Variants in IRF2BPL observed in about 807,000 individuals in gnomAD.
IRF2BPL encodes probable E3 ubiquitin-protein ligase IRF2BPL.
A neutral mutation model predicts 51.2 loss-of-function variants in IRF2BPL; 13 were observed. The observed-to-expected ratio is 0.25, with a 90% CI of 0.17 to 0.40. The LOEUF is 0.40. Ranked by LOEUF, IRF2BPL falls within the 10% of genes least tolerant of loss-of-function variation. The pLI is 1.00. For missense variants in IRF2BPL, 1,210 were observed against 1,111.8 expected (o/e 1.09, Z -1.26); for synonymous variants, 768 against 509.2 (o/e 1.51, Z -6.84).
Position 77,028,368 on chromosome 14 carries a change from A to C in IRF2BPL, c.-576T>G. 1 of 257,586 alleles carries C rather than the reference A, an allele frequency of 3.9e-6. No homozygotes were observed. The highest frequency in any genetic ancestry group is 8.8e-5 in the East Asian group (1 of 11,372). 16.0% of individuals were successfully genotyped at this position (257,586 alleles called of 1,614,324 possible). A position where few individuals can be genotyped will look rare whatever the true frequency, so the allele number is the denominator to read the frequency against. ...CGGGGGAGGGGGTGGCAGCCGAGAAAGGACCTTCTCCCCTCCGCAGCGTCG... is the reference window on the plus strand; with the variant it reads ...CGGGGGAGGGGGTGGCAGCCGAGAACGGACCTTCTCCCCTCCGCAGCGTCG... On this transcript the variant is annotated 5_prime_UTR_variant, in exon 1 of 1. Coordinates refer to ENST00000238647, the MANE Select transcript of IRF2BPL (RefSeq NM_024496.4).
Position 77,027,489 on chromosome 14 carries a change from C to A in IRF2BPL, c.304G>T (p.Ala102Ser). ...TGCTGCTGTTGCTGTTGCTGTTGCG[C>A]GGCGGCGGCGGCGGCCGCCGCTGCT... is the stretch of plus-strand genomic sequence containing the variant. ...AAAAAAAAAA[A>S]QQQQQQQQQQ... is the part of the protein sequence containing the mutation. The change falls in exon 1 of 1, where the codon GCG becomes TCG. Residue 102 changes from alanine to serine, a missense_variant. By Grantham distance (99) the Ala-to-Ser change is moderately conservative (BLOSUM62 1). Coordinates refer to ENST00000238647, the MANE Select transcript of IRF2BPL (RefSeq NM_024496.4). 1 of 706,098 alleles carries A rather than the reference C, an allele frequency of 1.4e-6. No individual in the cohort carries two copies. The highest frequency in any genetic ancestry group is 1.8e-6 in the Non-Finnish European group (1 of 564,534). The allele number at this position is 706,098 out of a possible 1,614,324, so 43.7% of individuals were successfully genotyped here.
Position 77,026,143 on chromosome 14 carries a change from G to C in IRF2BPL, c.1650C>G (p.Pro550=), listed in dbSNP as rs768042746. The C allele has an allele frequency of 2.6e-6, 4 of 1,539,184 alleles. No individual in the cohort carries two copies. Among genetic ancestry groups the C allele is most frequent in the Non-Finnish European group, 3.5e-6 (4 of 1,151,858 alleles). ...TCAGCGCGCCCTCGGCTGAGTCCGG[G>C]GGCTCCGGAGAGGCCTTTCTCTTGC... is the stretch of plus-strand genomic sequence containing the variant. The part of the protein sequence containing the change: ...SLRKRKASPE[P]PDSAEGALKL... Residue 550 remains proline, a synonymous_variant, in exon 1 of 1, where the codon CCC becomes CCG. Transcript: ENST00000238647.
At position 77,026,542 on chromosome 14, in the gene IRF2BPL, C is replaced by T. The variant is rs1298830950; in HGVS notation, c.1251G>A (p.Leu417=). ...CCGTGGGGTACTCAATGAACAGCTT[C>T]AATTCGTAGTCCATGCCGGGCTTGG... is the stretch of plus-strand genomic sequence containing the variant. ...AVSKPGMDYE[L]KLFIEYPTGS... is the part of the protein sequence containing the mutation. Residue 417 remains leucine (L), a synonymous_variant, in exon 1 of 1, where the codon TTG becomes TTA. Coordinates refer to ENST00000238647, the MANE Select transcript of IRF2BPL (RefSeq NM_024496.4). 2 of 1,613,854 alleles carry T rather than the reference C, an allele frequency of 1.2e-6. No individual in the cohort carries two copies. Among genetic ancestry groups the T allele is most frequent in the Non-Finnish European group, 1.7e-6 (2 of 1,180,032 alleles).
chr14:77,025,419 TTTTCAC>T lies in IRF2BPL; in HGVS notation c.2368_2373del (p.Val790_Lys791del). The T allele has an allele frequency of 6.4e-7, 1 of 1,564,082 alleles. No individual in the cohort carries two copies. Among genetic ancestry groups the T allele is most frequent in the Non-Finnish European group, 8.7e-7 (1 of 1,152,488 alleles). On this transcript the variant is annotated inframe_deletion, in exon 1 of 1. Transcript: ENST00000238647. The stretch of plus-strand genomic sequence containing the variant: ...CCAGTGGTTCAAGGGTCTCTCTCCT[TTTTCAC>T]TTTAACATCCCCAGCTAAGATAGTC...
chr14:77,028,702 T>A lies in IRF2BPL; in HGVS notation c.-910A>T. On this transcript the variant is annotated 5_prime_UTR_variant, in exon 1 of 1. Coordinates refer to ENST00000238647, the MANE Select transcript of IRF2BPL (RefSeq NM_024496.4). ...CTCCTGCTCCGGCTGCGGCTCGCGC[T>A]GTCCCCGGCTTGGCCGCGCGGGATG... is the stretch of plus-strand genomic sequence containing the variant. 2.9e-6 allele frequency: 1 copy of A among 345,854 alleles called. No homozygotes were observed. Among genetic ancestry groups the A allele is most frequent in the Non-Finnish European group, 5.2e-6 (1 of 191,926 alleles). 21.4% of individuals were successfully genotyped at this position (345,854 alleles called of 1,614,324 possible). A position where few individuals can be genotyped will look rare whatever the true frequency, so the allele number is the denominator to read the frequency against.
Position 77,026,009 on chromosome 14 carries a change from C to T in IRF2BPL, c.1784G>A (p.Gly595Asp). The T allele has an allele frequency of 6.4e-7, 1 of 1,563,178 alleles. No homozygotes were observed. Among genetic ancestry groups the T allele is most frequent in the Non-Finnish European group, 8.7e-7 (1 of 1,155,840 alleles). ...CAGAGGTGGGGGCGGCGGAGGCGGA[C>T]CCCCCGCCGCGTGCCCCGGCGCCGC... is the stretch of plus-strand genomic sequence containing the variant. ...GFAAPGHAAG[G>D]PPPPPPPLGP... The change falls in exon 1 of 1, where the codon GGT becomes GAT. Residue 595 changes from glycine (G) to aspartate (D), a missense_variant. By Grantham distance (94) the Gly-to-Asp change is moderately conservative. Transcript: ENST00000238647.
rs1402066753 is a variant in IRF2BPL, at chr14:77,028,693, G to C, written c.-901C>G. 4 of 356,416 alleles carry C rather than the reference G, an allele frequency of 1.1e-5. No individual in the cohort carries two copies. Among genetic ancestry groups the C allele is most frequent in the Non-Finnish European group, 1.5e-5 (3 of 198,734 alleles). The allele number at this position is 356,416 out of a possible 1,614,324, so 22.1% of individuals were successfully genotyped here. A position where few individuals can be genotyped will look rare whatever the true frequency, so the allele number is the denominator to read the frequency against. On this transcript the variant is annotated 5_prime_UTR_variant, in exon 1 of 1. Coordinates refer to ENST00000238647, the MANE Select transcript of IRF2BPL (RefSeq NM_024496.4). ...GTCTCGGCGCTCCTGCTCCGGCTGCGGCTCGCGCTGTCCCCGGCTTGGCCG... is the reference window on the plus strand; with the variant it reads ...GTCTCGGCGCTCCTGCTCCGGCTGCCGCTCGCGCTGTCCCCGGCTTGGCCG...
Position 77,026,845 on chromosome 14 carries a change from G to C in IRF2BPL, c.948C>G (p.Thr316=). ...SATSSSASSS[T]SSSVAEVGVG... is the part of the protein sequence containing the mutation. ...CGCCCACCTCTGCCACCGACGAAGAGGTCGAAGACGACGCGGAGGACGACG... is the reference window on the plus strand; with the variant it reads ...CGCCCACCTCTGCCACCGACGAAGACGTCGAAGACGACGCGGAGGACGACG... The change falls in exon 1 of 1, where the codon ACC becomes ACG. Residue 316 remains threonine, a synonymous_variant. Transcript: ENST00000238647. The C allele has an allele frequency of 6.2e-7, 1 of 1,608,426 alleles. No individual in the cohort carries two copies. The highest frequency in any genetic ancestry group is 8.5e-7 in the Non-Finnish European group (1 of 1,177,762).
chr14:77,026,592 G>A lies in IRF2BPL; in HGVS notation c.1201C>T (p.Arg401Cys). The A allele has an allele frequency of 6.2e-7, 1 of 1,613,838 alleles. No homozygotes were observed. ...RFKKDHSLLGRVFAFDAVSKP... is the reference protein window; with the variant it reads ...RFKKDHSLLGCVFAFDAVSKP... ...GAGACGGCGTCGAAGGCGAAAACGC[G>A]GCCCAGCAGCGAGTGGTCCTTCTTG... Residue 401 changes from arginine to cysteine, a missense_variant, in exon 1 of 1, where the codon CGC becomes TGC. Transcript: ENST00000238647.
At position 77,025,358 on chromosome 14, in the gene IRF2BPL, GGA is replaced by G; in HGVS notation, c.*42_*43del. The G allele has an allele frequency of 7.1e-7, 1 of 1,407,852 alleles. No individual in the cohort carries two copies. Among genetic ancestry groups the G allele is most frequent in the Non-Finnish European group, 9.6e-7 (1 of 1,042,442 alleles). 87.2% of individuals were successfully genotyped at this position (1,407,852 alleles called of 1,614,324 possible). On this transcript the variant is annotated 3_prime_UTR_variant, in exon 1 of 1. Transcript: ENST00000238647. ...GGTTGGGGGAGGGGCCCTCAGGATTGGAGAGGAGCTGGTCTAGGGCAAAGGAG... is the reference window on the plus strand; with the variant it reads ...GGTTGGGGGAGGGGCCCTCAGGATTGGAGGAGCTGGTCTAGGGCAAAGGAG...
Position 77,028,549 on chromosome 14 carries a change from C to T in IRF2BPL, c.-757G>A, listed in dbSNP as rs1272571391. 5.4e-6 allele frequency: 2 copies of T among 371,952 alleles called. No homozygotes were observed. Among genetic ancestry groups the T allele is most frequent in the Admixed American group, 4.6e-5 (1 of 21,724 alleles). The allele number at this position is 371,952 out of a possible 1,614,324, so 23.0% of individuals were successfully genotyped here. A position where few individuals can be genotyped will look rare whatever the true frequency, so the allele number is the denominator to read the frequency against. The stretch of plus-strand genomic sequence containing the variant: ...GCCCGGGCCGCCGCGGCTGGCGGCG[C>T]TCACGTTGGCTGCAGGGCGCTCGCG... On this transcript the variant is annotated 5_prime_UTR_variant, in exon 1 of 1. Coordinates refer to ENST00000238647, the MANE Select transcript of IRF2BPL (RefSeq NM_024496.4).
Position 77,026,145 on chromosome 14 carries a change from G to T in IRF2BPL, c.1648C>A (p.Pro550Thr). ...AGCGCGCCCTCGGCTGAGTCCGGGG[G>T]CTCCGGAGAGGCCTTTCTCTTGCGC... ...SLRKRKASPE[P>T]PDSAEGALKL... The change falls in exon 1 of 1, where the codon CCC (proline) becomes ACC (threonine). Residue 550 changes from proline to threonine, a missense_variant. Coordinates refer to ENST00000238647, the MANE Select transcript of IRF2BPL (RefSeq NM_024496.4). 1 of 1,534,442 alleles carries T rather than the reference G, an allele frequency of 6.5e-7. No homozygotes were observed. Among genetic ancestry groups the T allele is most frequent in the Admixed American group, 2.1e-5 (1 of 47,508 alleles).
Position 77,026,418 on chromosome 14 carries a change from A to C in IRF2BPL, c.1375T>G (p.Tyr459Asp). Residue 459 changes from tyrosine (Y) to aspartate (D), a missense_variant, in exon 1 of 1, where the codon TAC becomes GAC. By Grantham distance (160) the Tyr-to-Asp change is radical. Coordinates refer to ENST00000238647, the MANE Select transcript of IRF2BPL (RefSeq NM_024496.4). ...FGRGLSSGFK[Y>D]LEYEKKHGSG... is the part of the protein sequence containing the mutation. ...CCGTGCTTCTTTTCGTACTCCAGGT[A>C]CTTGAAACCCGAGGATAGGCCCCGG... 1 of 1,613,374 alleles carries C rather than the reference A, an allele frequency of 6.2e-7. No homozygotes were observed. Among genetic ancestry groups the C allele is most frequent in the Non-Finnish European group, 8.5e-7 (1 of 1,179,974 alleles).
chr14:77,026,736 C>A lies in IRF2BPL; in HGVS notation c.1057G>T (p.Ala353Ser), dbSNP rs1298648504. The A allele has an allele frequency of 1.2e-6, 2 of 1,612,392 alleles. No individual in the cohort carries two copies. Among genetic ancestry groups the A allele is most frequent in the Non-Finnish European group, 1.7e-6 (2 of 1,179,802 alleles). ...AGGCTCTCGCTCAGCTCGGCCAGGG[C>A]CTCGGCGTTGCGCTGCTTCTCCTTC... Reference protein sequence around the residue: ...ELKEKQRNAEALAELSESLRN... With the variant: ...ELKEKQRNAESLAELSESLRN... Residue 353 changes from alanine (A) to serine (S), a missense_variant, in exon 1 of 1, where the codon GCC becomes TCC. Transcript: ENST00000238647.
Position 77,025,816 on chromosome 14 carries a change from G to T in IRF2BPL, c.1977C>A (p.Ser659Arg). Residue 659 changes from serine to arginine, a missense_variant, in exon 1 of 1, where the codon AGC becomes AGA. Transcript: ENST00000238647. The stretch of plus-strand genomic sequence containing the variant: ...CCGGCACGGAGGCCGGCGAGACTGG[G>T]CTGCTGCTGTTTCGCCGCGCCGACG... ...TTASARRNSS[S>R]PVSPASVPGQ... The T allele has an allele frequency of 6.2e-7, 1 of 1,612,432 alleles. No homozygotes were observed. Among genetic ancestry groups the T allele is most frequent in the Non-Finnish European group, 8.5e-7 (1 of 1,179,732 alleles).
At position 77,025,286 on chromosome 14, in the gene IRF2BPL, A is replaced by C. The variant is rs1566785240; in HGVS notation, c.*116T>G. On this transcript the variant is annotated 3_prime_UTR_variant, in exon 1 of 1. Coordinates refer to ENST00000238647, the MANE Select transcript of IRF2BPL (RefSeq NM_024496.4). ...GACTAACTTTTTGCAGTTTCGTTAT[A>C]TTCACAATTCTACACCTTGGGGGTG... 5 of 647,382 alleles carry C rather than the reference A, an allele frequency of 7.7e-6. No homozygotes were observed. Among genetic ancestry groups the C allele is most frequent in the Non-Finnish European group, 7.6e-6 (3 of 394,948 alleles). 40.1% of individuals were successfully genotyped at this position (647,382 alleles called of 1,614,324 possible). A position where few individuals can be genotyped will look rare whatever the true frequency, so the allele number is the denominator to read the frequency against.
In IRF2BPL at chr14:77,026,573, G is replaced by A. The variant is rs781495328; in HGVS notation, c.1220C>T (p.Ala407Val). 6.2e-7 allele frequency: 1 copy of A among 1,613,854 alleles called. No individual in the cohort carries two copies. The highest frequency in any genetic ancestry group is 8.5e-7 in the Non-Finnish European group (1 of 1,180,008). Residue 407 changes from alanine to valine, a missense_variant, in exon 1 of 1, where the codon GCC (alanine) becomes GTC (valine). Ala to Val is a moderately conservative substitution (Grantham distance 64, BLOSUM62 0). Coordinates refer to ENST00000238647, the MANE Select transcript of IRF2BPL (RefSeq NM_024496.4). ...GTAGTCCATGCCGGGCTTGGAGACG[G>A]CGTCGAAGGCGAAAACGCGGCCCAG... ...SLLGRVFAFD[A>V]VSKPGMDYEL... is the part of the protein sequence containing the mutation.
Position 77,024,851 on chromosome 14 carries a change from A to G in IRF2BPL, c.*551T>C, listed in dbSNP as rs2093042874. 6.6e-6 allele frequency: 1 copy of G among 151,162 alleles called. No individual in the cohort carries two copies. The highest frequency in any genetic ancestry group is 1.5e-5 in the Non-Finnish European group (1 of 67,674). 9.4% of individuals were successfully genotyped at this position (151,162 alleles called of 1,614,324 possible). A position where few individuals can be genotyped will look rare whatever the true frequency, so the allele number is the denominator to read the frequency against. ...AAACAGAAAAACAAAACAAAACAACAAAATAAAGTGAAGACTTCAACACTT... is the reference window on the plus strand; with the variant it reads ...AAACAGAAAAACAAAACAAAACAACGAAATAAAGTGAAGACTTCAACACTT... On this transcript the variant is annotated 3_prime_UTR_variant, in exon 1 of 1. Transcript: ENST00000238647.
In IRF2BPL at chr14:77,027,922, G is replaced by C. The variant is rs1230309741; in HGVS notation, c.-130C>G. The C allele has an allele frequency of 8.4e-7, 1 of 1,191,192 alleles. No homozygotes were observed. The highest frequency in any genetic ancestry group is 1.1e-6 in the Non-Finnish European group (1 of 895,966). 73.8% of individuals were successfully genotyped at this position (1,191,192 alleles called of 1,614,324 possible). A position where few individuals can be genotyped will look rare whatever the true frequency, so the allele number is the denominator to read the frequency against. The stretch of plus-strand genomic sequence containing the variant: ...GGAGGAGGGGGGGCGAGAAAGTTCT[G>C]CCCCAGGGGCTGGAGGGAACGCGAG... On this transcript the variant is annotated 5_prime_UTR_variant, in exon 1 of 1. Coordinates refer to ENST00000238647, the MANE Select transcript of IRF2BPL (RefSeq NM_024496.4).
Sources: allele counts gnomAD v4.1 joint callset, GRCh38; gene constraint gnomAD v4.1.1; transcripts MANE v1.5; gene names NCBI Gene and HGNC (gene_info 2026-07-23, HGNC 2026-07-21).